The following CRISPLD2 variants were observed in gnomAD, a reference collection of about 807,000 sequenced individuals.
The protein encoded by CRISPLD2 is cysteine-rich secretory protein LCCL domain-containing 2.
Under a neutral mutation model 71.1 loss-of-function variants are expected in CRISPLD2, and 47 were observed. The observed-to-expected ratio is 0.66, with a 90% CI of 0.52 to 0.84. The LOEUF is 0.84. CRISPLD2 is among the 40% of genes least tolerant of loss of function. CRISPLD2 has a pLI of 0.00. For missense variants in CRISPLD2, 830 were observed against 651.1 expected (o/e 1.27, Z -2.99); for synonymous variants, 317 against 250.1 (o/e 1.27, Z -2.52).
intron 14 of CRISPLD2, among the ~76,000 whole-genome samples, chr16:84,899,058 A>C (rs1025930978): frequency 6.6e-6 from 1 of 152,006 alleles, no homozygotes; most frequent in Non-Finnish European, 1.5e-5. Flanking sequence ...ACATCTGGCT[A>C]ATTTTTTTAT....
intron 2 of CRISPLD2, among the ~76,000 whole-genome samples, chr16:84,844,565 G>T (rs1477589197): frequency 6.6e-6 from 1 of 151,866 alleles, no homozygotes; most frequent in African/African-American, 2.4e-5. Flanking sequence ...GTTTCACTAT[G>T]TTGGGCAGGC....
At chr16:84,865,943 C>A (rs970191583) in intron 6 of CRISPLD2, among the ~76,000 whole-genome samples, 1 of 152,196 alleles carries the variant, frequency 6.6e-6, no homozygotes, top group Admixed American at 6.5e-5. Flanking sequence ...AAAGATTGTT[C>A]TTTCGGATAG....
intron 1 of CRISPLD2, among the ~76,000 whole-genome samples, chr16:84,824,162 C>T (rs562279238): frequency 3.3e-5 from 5 of 152,120 alleles, no homozygotes; most frequent in Admixed American, 2.6e-4. Flanking sequence ...GCAGAGGCAC[C>T]GTGTGTGTGC....
chr16:84,865,911 A>G (rs909363426), intron 6 of CRISPLD2, among the ~76,000 whole-genome samples: 1 of 152,210 alleles, frequency 6.6e-6, no homozygotes, highest in Non-Finnish European at 1.5e-5. Flanking sequence ...AAATAATAAT[A>G]TACCATGTCC....
At chr16:84,897,968 G>C (rs1001155359) in intron 14 of CRISPLD2, among the ~76,000 whole-genome samples, 1 of 152,132 alleles carries the variant, frequency 6.6e-6, no homozygotes, top group East Asian at 1.9e-4. Flanking sequence ...TTTGTTAATC[G>C]GATTGTGGCT....
intron 13 of CRISPLD2, among the ~76,000 whole-genome samples, chr16:84,886,070 A>C (rs1320279322): frequency 2.6e-5 from 4 of 151,968 alleles, no homozygotes; most frequent in African/African-American, 4.8e-5. Context: ...TTCTATTTTT[A>C]GTAGAGATGG....
rs539095345 is a variant in CRISPLD2, at chr16:84,866,954, C to G, written c.767C>G (p.Pro256Arg). Residue 256 changes from proline (P) to arginine (R), a missense_variant, in exon 7 of 15, where the codon CCC (proline) becomes CGC (arginine). Transcript: ENST00000262424. ...TDEMNEVETA[P>R]IPEENHVWLQ... ...GAGATGAATGAGGTGGAAACGGCTCCCATTCCTGAAGAAAACCATGTTTGG... is the reference window on the plus strand; with the variant it reads ...GAGATGAATGAGGTGGAAACGGCTCGCATTCCTGAAGAAAACCATGTTTGG... 1.2e-6 allele frequency: 2 copies of G among 1,614,074 alleles called. No individual in the cohort carries two copies. Among genetic ancestry groups the G allele is most frequent in the East Asian group, 2.2e-5 (1 of 44,868 alleles).
chr16:84,829,248 C>T (rs1029777812), intron 1 of CRISPLD2: 2 of 152,274 alleles, frequency 1.3e-5, no homozygotes, highest in African/African-American at 4.8e-5. Flanking sequence ...TGGACTGTGG[C>T]CTCCCTTGGG....
chr16:84,854,664 G>A, intron 5 of CRISPLD2, 65 bp from the exon 6 acceptor site: 1 of 1,186,364 alleles, frequency 8.4e-7, no homozygotes, highest in Non-Finnish European at 1.3e-6. Context: ...GGCCTTGGAA[G>A]AGGATCAGTC....
chr16:84,886,940 T>A (rs764127775), intron 13 of CRISPLD2, among the ~76,000 whole-genome samples: 1 of 152,210 alleles, frequency 6.6e-6, no homozygotes, highest in Non-Finnish European at 1.5e-5. Flanking sequence ...CTTGCAAATC[T>A]GAAACCCTGT....
intron 14 of CRISPLD2, among the ~76,000 whole-genome samples, chr16:84,900,254 T>TA (rs1403197368): frequency 1.3e-5 from 2 of 151,910 alleles, no homozygotes; most frequent in African/African-American, 4.8e-5. Flanking sequence ...GGAGAAGGGC[T>TA]AAAAAACAAC....
At chr16:84,892,119 T>C (rs2071668184) in intron 14 of CRISPLD2, among the ~76,000 whole-genome samples, 1 of 152,112 alleles carries the variant, frequency 6.6e-6, no homozygotes. Flanking sequence ...GGGGGAATAA[T>C]ATTACCTGCC....
At chr16:84,871,492 T>C (rs951186674) in intron 8 of CRISPLD2, among the ~76,000 whole-genome samples, 2 of 152,148 alleles carry the variant, frequency 1.3e-5, no homozygotes, top group Non-Finnish European at 2.9e-5. Flanking sequence ...TGAGCTGTGA[T>C]TGCGCTGCTG....
chr16:84,859,595 A>C (rs752589837), intron 6 of CRISPLD2, among the ~76,000 whole-genome samples: 6 of 152,200 alleles, frequency 3.9e-5, no homozygotes, highest in Non-Finnish European at 7.3e-5. Flanking sequence ...AAATTGATGG[A>C]GGGACCGTGA....
chr16:84,906,188 C>T (rs2071800709), intron 14 of CRISPLD2, among the ~76,000 whole-genome samples: 1 of 152,008 alleles, frequency 6.6e-6, no homozygotes, highest in Admixed American at 6.6e-5. Context: ...GGCGGTGAAG[C>T]ACCTGGCATA....
In CRISPLD2 at chr16:84,838,745, G is replaced by T; in HGVS notation, c.240+10G>T. On this transcript the variant is annotated intron_variant, in intron 2 of 14. Transcript: ENST00000262424. ...CAACATGGAGTACATGGTGAGCGCC[G>T]GCTCCGGCCGCAGAGGCTGGCACCG... The T allele has an allele frequency of 1.2e-6, 2 of 1,608,246 alleles. No homozygotes were observed. The highest frequency in any genetic ancestry group is 2.7e-5 in the African/African-American group (2 of 74,984).
intron 14 of CRISPLD2, among the ~76,000 whole-genome samples, chr16:84,892,922 G>A (rs2071675065): frequency 7.0e-6 from 1 of 143,848 alleles, no homozygotes; most frequent in Admixed American, 7.2e-5. Flanking sequence ...GTTGCACTGA[G>A]CCGAGATTCC....
intron 14 of CRISPLD2, among the ~76,000 whole-genome samples, chr16:84,896,962 A>T (rs370935316): frequency 1.3e-5 from 2 of 152,266 alleles, no homozygotes; most frequent in Non-Finnish European, 2.9e-5. Context: ...CACCCTCCTT[A>T]ATCCCGTCTG....
Position 84,846,093 on chromosome 16 carries a change from G to C in CRISPLD2, c.359+189G>C, listed in dbSNP as rs114639843. ...TGAGTGACTGACAAAATGTATTCAAGCTTGGTTGGCTGACCCCAGACACTG... is the reference window on the plus strand; with the variant it reads ...TGAGTGACTGACAAAATGTATTCAACCTTGGTTGGCTGACCCCAGACACTG... On this transcript the variant is annotated intron_variant, in intron 3 of 14. Transcript: ENST00000262424. The C allele has an allele frequency of 1.2e-3, 581 of 486,550 alleles. 1 individual carries two copies. Among genetic ancestry groups the C allele is most frequent in the African/African-American group, 0.01 (520 of 50,562 alleles). The allele number at this position is 486,550 out of a possible 1,614,324, so 30.1% of individuals were successfully genotyped here.
Sources: gnomAD v4.1 joint callset for allele counts (sites outside exome capture counted in the v4.1 genomes callset) on GRCh38, gnomAD v4.1.1 for gene constraint, MANE v1.5 for transcripts, NCBI Gene and HGNC (gene_info 2026-07-23, HGNC 2026-07-21) for gene names.